The following LNX2 variants were observed in gnomAD, a reference collection of about 807,000 sequenced individuals.
LNX2 encodes ligand of Numb protein X 2.
Under a neutral mutation model 66.2 loss-of-function variants are expected in LNX2, and 35 were observed. The observed-to-expected ratio is 0.53, with a 90% CI of 0.40 to 0.70. LNX2 has a LOEUF of 0.70. LNX2 is among the 30% of genes least tolerant of loss of function. The pLI is 0.00. For synonymous variants in LNX2, 337 were observed against 315.6 expected (o/e 1.07, Z -0.72); for missense variants, 791 against 850.8 (o/e 0.93, Z 0.87).
At chr13:27,583,218 G>GCGCGCGCGTCCTCTCCTATATAAC (rs1415107261) in intron 1 of LNX2, among the ~76,000 whole-genome samples, 3 of 18,490 alleles carry the variant, frequency 1.6e-4, no homozygotes, top group African/African-American at 1.4e-3. Context: ...GTGTGTGTGT[G>GCGCGCGCGTCCTCTCCTATATAAC]TGTGTGTGTG....
chr13:27,557,569 T>C (rs1023042206), intron 6 of LNX2, among the ~76,000 whole-genome samples: 3 of 152,012 alleles, frequency 2.0e-5, no homozygotes, highest in Non-Finnish European at 2.9e-5. Context: ...AAATTGTTAA[T>C]AATATAAAAA....
chr13:27,609,688 CTGA>C (rs1179256053), intron 1 of LNX2, among the ~76,000 whole-genome samples: 2 of 152,112 alleles, frequency 1.3e-5, no homozygotes, highest in African/African-American at 4.8e-5. Flanking sequence ...TGAAAGTTGA[CTGA>C]TGTTTAATAA....
intron 4 of LNX2, among the ~76,000 whole-genome samples, chr13:27,563,884 C>G (rs1394324870): frequency 6.6e-6 from 1 of 152,190 alleles, no homozygotes; most frequent in Non-Finnish European, 1.5e-5. Flanking sequence ...CACACACAAA[C>G]TTGCTTTCTC....
intron 2 of LNX2, among the ~76,000 whole-genome samples, chr13:27,579,040 G>A (rs1238588342): frequency 6.6e-6 from 1 of 152,156 alleles, no homozygotes; most frequent in East Asian, 1.9e-4. Flanking sequence ...AGACTATAAA[G>A]ACATGGTTCT....
At position 27,559,952 on chromosome 13, in the gene LNX2, T is replaced by C. The variant is rs1955110336; in HGVS notation, c.1258A>G (p.Arg420Gly). 1.2e-6 allele frequency: 2 copies of C among 1,609,254 alleles called. No individual in the cohort carries two copies. Among genetic ancestry groups the C allele is most frequent in the South Asian group, 1.1e-5 (1 of 90,468 alleles). The change falls in exon 6 of 10, where the codon AGA becomes GGA. Residue 420 changes from arginine to glycine, a missense_variant. Coordinates refer to ENST00000316334, the MANE Select transcript of LNX2 (RefSeq NM_153371.4). ...SGERVNLTIA[R>G]PGKPQPGNTI... ...TTACCAGGCTGGGGTTTCCCTGGTC[T>C]AGCAATTGTTAAATTCACTCTCTCT...
chr13:27,567,201 T>A (rs953051419), intron 4 of LNX2, among the ~76,000 whole-genome samples: 3 of 152,164 alleles, frequency 2.0e-5, no homozygotes, highest in African/African-American at 7.2e-5. Flanking sequence ...CATGGTTCCT[T>A]CTTTTCTAGA....
chr13:27,590,580 T>C (rs1955536985), intron 1 of LNX2, among the ~76,000 whole-genome samples: 1 of 152,148 alleles, frequency 6.6e-6, no homozygotes, highest in Non-Finnish European at 1.5e-5. Context: ...CATAGATGGC[T>C]TTAGTACTAA....
chr13:27,583,255 T>TGTGCGCGCGCGCGCGCGC (rs1555268514), intron 1 of LNX2, among the ~76,000 whole-genome samples: 3 of 58,528 alleles, frequency 5.1e-5, no homozygotes, highest in Non-Finnish European at 9.6e-5. Flanking sequence ...TGTGTGTGTG[T>TGTGCGCGCGCGCGCGCGC]GCGCGCGTCC....
chr13:27,606,404 C>CA (rs1244721577), intron 1 of LNX2, among the ~76,000 whole-genome samples: 1,273 of 114,304 alleles, frequency 0.011, 7 homozygotes, highest in Middle Eastern at 0.044. Flanking sequence ...GAGAAAAGCT[C>CA]AAAAAAAAAA....
intron 2 of LNX2, among the ~76,000 whole-genome samples, chr13:27,571,822 C>A (rs914513655): frequency 6.6e-6 from 1 of 152,156 alleles, no homozygotes; most frequent in African/African-American, 2.4e-5. Context: ...ATACTTGGAA[C>A]TGAAAGAGAA....
intron 1 of LNX2, among the ~76,000 whole-genome samples, chr13:27,598,159 T>G (rs1955619592): frequency 6.7e-6 from 1 of 148,338 alleles, no homozygotes; most frequent in Admixed American, 6.8e-5. Context: ...ACTTAGCACA[T>G]CCTTACCACA....
intron 1 of LNX2, among the ~76,000 whole-genome samples, chr13:27,601,105 G>A (rs936379158): frequency 6.6e-6 from 1 of 152,120 alleles, no homozygotes; most frequent in Non-Finnish European, 1.5e-5. Flanking sequence ...ACATTATACT[G>A]ATTGCTTTAC....
At chr13:27,583,207 T>TGCGCGC (rs1566124662) in intron 1 of LNX2, among the ~76,000 whole-genome samples, 1,382 of 24,304 alleles carry the variant, frequency 0.057, 247 homozygotes, top group African/African-American at 0.13. Flanking sequence ...TGTGTGTGTG[T>TGCGCGC]GTGTGTGTGT....
chr13:27,593,599 C>T (rs1955567218), intron 1 of LNX2, among the ~76,000 whole-genome samples: 1 of 132,782 alleles, frequency 7.5e-6, no homozygotes, highest in African/African-American at 2.8e-5. Context: ...TGAAGTTTCA[C>T]TCTTGTTGCT....
At chr13:27,578,624 G>C (rs1461443759) in intron 2 of LNX2, among the ~76,000 whole-genome samples, 1 of 152,180 alleles carries the variant, frequency 6.6e-6, no homozygotes, top group Non-Finnish European at 1.5e-5. Context: ...CAGCCTACTA[G>C]ACACTGAACC....
intron 1 of LNX2, among the ~76,000 whole-genome samples, chr13:27,607,579 T>G (rs764805031): frequency 6.6e-5 from 10 of 152,238 alleles, no homozygotes; most frequent in Non-Finnish European, 1.0e-4. Context: ...TTTGTTTTTC[T>G]TAATTGAGAA....
chr13:27,558,401 A>C (rs1181726287), intron 6 of LNX2, among the ~76,000 whole-genome samples: 2 of 152,120 alleles, frequency 1.3e-5, no homozygotes, highest in African/African-American at 4.8e-5. Flanking sequence ...GAGAATTAGC[A>C]TAGTTATGAC....
intron 1 of LNX2, among the ~76,000 whole-genome samples, chr13:27,584,157 A>G (rs1051723831): frequency 2.0e-5 from 3 of 152,226 alleles, no homozygotes; most frequent in African/African-American, 7.2e-5. Flanking sequence ...GTAGGATACC[A>G]TGTTGAGGCT....
rs11281345 is a variant in LNX2, at chr13:27,583,261, C to CGCGCGT, written c.-100-1459_-100-1458insACGCGC. Among the ~76,000 whole-genome samples, 334 of 45,456 alleles carry CGCGCGT rather than the reference C, an allele frequency of 7.3e-3. 94 individuals carry two copies. The highest frequency in any genetic ancestry group is 0.031 in the Middle Eastern group (3 of 96). The allele number at this position is 45,456 out of a possible 152,430, so 29.8% of individuals were successfully genotyped here. ...GTGTGTGTGTGTGTGTGTGTGCGCG[C>CGCGCGT]GTCCTCTCCAACATACTTATTTTTA... On this transcript the variant is annotated intron_variant, in intron 1 of 9. Transcript: ENST00000316334.
Sources: allele counts gnomAD v4.1 joint callset (sites outside exome capture counted in the v4.1 genomes callset), GRCh38; gene constraint gnomAD v4.1.1; transcripts MANE v1.5; gene names NCBI Gene and HGNC (gene_info 2026-07-23, HGNC 2026-07-21).